DUSP5: variants seen among roughly 807,000 people sequenced by gnomAD.
The protein encoded by DUSP5 is dual specificity protein phosphatase 5.
In DUSP5, 22 loss-of-function variants were observed where a neutral mutation model predicts 33.6. The observed-to-expected ratio is 0.66, with a 90% CI of 0.47 to 0.94. The LOEUF is 0.94. Among genes scored for constraint, DUSP5 ranks in the 40% least tolerant of loss-of-function variants. DUSP5 has a pLI of 0.00. For missense variants in DUSP5, 551 were observed against 522.1 expected (o/e 1.06, Z -0.54); for synonymous variants, 270 against 231.1 (o/e 1.17, Z -1.53).
At position 110,511,308 on chromosome 10, in the gene DUSP5, A is replaced by G. The variant is rs1038228570; in HGVS notation, c.*882A>G. The G allele has an allele frequency of 3.9e-5, 6 of 152,448 alleles. No homozygotes were observed. Among genetic ancestry groups the G allele is most frequent in the African/African-American group, 1.5e-4 (6 of 41,378 alleles). 9.4% of individuals were successfully genotyped at this position (152,448 alleles called of 1,614,324 possible). Reference sequence around the variant, plus strand: ...CTGTGTGCTTATGTCTCTTGTGACAATTGTTTTCCTCCCTGCCCCTGGAGG... The same window carrying G: ...CTGTGTGCTTATGTCTCTTGTGACAGTTGTTTTCCTCCCTGCCCCTGGAGG... On this transcript the variant is annotated 3_prime_UTR_variant, in exon 4 of 4. Transcript: ENST00000369583.
At position 110,510,510 on chromosome 10, in the gene DUSP5, A is replaced by G. The variant is rs1391124127; in HGVS notation, c.*84A>G. The G allele has an allele frequency of 2.8e-6, 4 of 1,421,536 alleles. No individual in the cohort carries two copies. Among genetic ancestry groups the G allele is most frequent in the South Asian group, 1.5e-5 (1 of 67,572 alleles). 88.1% of individuals were successfully genotyped at this position (1,421,536 alleles called of 1,614,324 possible). A position where few individuals can be genotyped will look rare whatever the true frequency, so the allele number is the denominator to read the frequency against. On this transcript the variant is annotated 3_prime_UTR_variant, in exon 4 of 4. Coordinates refer to ENST00000369583, the MANE Select transcript of DUSP5 (RefSeq NM_004419.4). The stretch of plus-strand genomic sequence containing the variant: ...CTCATGGACATTTCATACCTGTGCA[A>G]TACTGAAGACCTCATTCTGTCATGC...
chr10:110,498,376 C>G lies in DUSP5; in HGVS notation c.255C>G (p.Ala85=), dbSNP rs1277031293. The change falls in exon 1 of 4, where the codon GCC becomes GCG. Residue 85 remains alanine (A), a synonymous_variant. Transcript: ENST00000369583. ...AGGAGGGCGGCGGCGGCGTCGCGGCCGTGGTGGTGCTGGACCAGGGCAGCC... is the reference window on the plus strand; with the variant it reads ...AGGAGGGCGGCGGCGGCGTCGCGGCGGTGGTGGTGCTGGACCAGGGCAGCC... The part of the protein sequence containing the change: ...LLQEGGGGVA[A]VVVLDQGSRH... 1.4e-6 allele frequency: 2 copies of G among 1,434,348 alleles called. No homozygotes were observed. Among genetic ancestry groups the G allele is most frequent in the Non-Finnish European group, 1.8e-6 (2 of 1,094,208 alleles). 88.9% of individuals were successfully genotyped at this position (1,434,348 alleles called of 1,614,324 possible). A position where few individuals can be genotyped will look rare whatever the true frequency, so the allele number is the denominator to read the frequency against.
intron 1 of DUSP5, 23 bp downstream of exon 1, chr10:110,498,523 ACGCTCGC>A (rs1859993443): frequency 6.9e-7 from 1 of 1,457,082 alleles, no homozygotes; most frequent in African/African-American, 1.5e-5. Flanking sequence ...GGTCCCTGCC[ACGCTCGC>A]CCCTCCGGCG....
At chr10:110,503,889 C>T (rs1254048503) in intron 2 of DUSP5, among the ~76,000 whole-genome samples, 1 of 152,184 alleles carries the variant, frequency 6.6e-6, no homozygotes, top group Non-Finnish European at 1.5e-5. Flanking sequence ...AGAAAGATTG[C>T]TAGATGCTAA....
At position 110,507,164 on chromosome 10, in the gene DUSP5, G is replaced by A. The variant is rs781204119; in HGVS notation, c.748+10G>A. ...GCAATAGACTTCATTGGTAGGTTTA[G>A]CCATTCCCCTTCAGTTATTTTGGGA... On this transcript the variant is annotated intron_variant, in intron 3 of 3. Coordinates refer to ENST00000369583, the MANE Select transcript of DUSP5 (RefSeq NM_004419.4). The A allele has an allele frequency of 1.9e-6, 3 of 1,609,566 alleles. No homozygotes were observed. Among genetic ancestry groups the A allele is most frequent in the Non-Finnish European group, 2.5e-6 (3 of 1,178,384 alleles).
intron 3 of DUSP5, among the ~76,000 whole-genome samples, chr10:110,508,704 A>G (rs1421520377): frequency 6.6e-6 from 1 of 152,242 alleles, no homozygotes; most frequent in Non-Finnish European, 1.5e-5. Context: ...AAGGAGGCCA[A>G]CAGAGGAGCG....
chr10:110,509,438 C>T (rs1444123193), intron 3 of DUSP5, among the ~76,000 whole-genome samples: 1 of 152,208 alleles, frequency 6.6e-6, no homozygotes, highest in Non-Finnish European at 1.5e-5. Flanking sequence ...GGAGCTGAGC[C>T]AAGCATCCTG....
Position 110,498,267 on chromosome 10 carries a change from C to T in DUSP5, c.146C>T (p.Ser49Leu). ...VRGSLNVNLN[S>L]VVLRRARGGA... ...GGCTCGCTCAACGTCAACCTCAACT[C>T]GGTGGTGCTGCGGCGGGCCCGGGGC... The change falls in exon 1 of 4, where the codon TCG becomes TTG. Residue 49 changes from serine (S) to leucine (L), a missense_variant. Ser to Leu is a moderately radical substitution (Grantham distance 145). Transcript: ENST00000369583. 2 of 1,492,016 alleles carry T rather than the reference C, an allele frequency of 1.3e-6. No homozygotes were observed. The highest frequency in any genetic ancestry group is 2.9e-5 in the East Asian group (1 of 34,596). 92.4% of individuals were successfully genotyped at this position (1,492,016 alleles called of 1,614,324 possible). A position where few individuals can be genotyped will look rare whatever the true frequency, so the allele number is the denominator to read the frequency against.
chr10:110,503,615 T>C (rs1362775951), intron 2 of DUSP5: 1 of 152,242 alleles, frequency 6.6e-6, no homozygotes, highest in Non-Finnish European at 1.5e-5. Flanking sequence ...AATCCAAATC[T>C]GGCAGAAGCC....
intron 1 of DUSP5, among the ~76,000 whole-genome samples, chr10:110,501,442 A>G (rs1860047137): frequency 6.6e-6 from 1 of 152,140 alleles, no homozygotes; most frequent in Admixed American, 6.5e-5. Context: ...GGAAGCGGTA[A>G]TGGCAAGATG....
At chr10:110,505,698 C>A (rs1017888500) in intron 2 of DUSP5, among the ~76,000 whole-genome samples, 1 of 152,220 alleles carries the variant, frequency 6.6e-6, no homozygotes, top group Non-Finnish European at 1.5e-5. Context: ...CAGCCACTGT[C>A]ACCCAGCCCC....
Position 110,498,047 on chromosome 10 carries a change from C to T in DUSP5, c.-75C>T. On this transcript the variant is annotated 5_prime_UTR_variant, in exon 1 of 4. Coordinates refer to ENST00000369583, the MANE Select transcript of DUSP5 (RefSeq NM_004419.4). ...CTCCCGTGCCTCGCCCGCGGACACCCTGGCCGTGGACACCCTGGCCGTGGG... is the reference window on the plus strand; with the variant it reads ...CTCCCGTGCCTCGCCCGCGGACACCTTGGCCGTGGACACCCTGGCCGTGGG... 3.7e-6 allele frequency: 4 copies of T among 1,076,166 alleles called. No homozygotes were observed. The highest frequency in any genetic ancestry group is 3.4e-6 in the Non-Finnish European group (3 of 892,408). 66.7% of individuals were successfully genotyped at this position (1,076,166 alleles called of 1,614,324 possible). A position where few individuals can be genotyped will look rare whatever the true frequency, so the allele number is the denominator to read the frequency against.
chr10:110,497,996 T>C lies in DUSP5; in HGVS notation c.-126T>C, dbSNP rs545289807. ...GCCGCCGCTCGGGCGCCGGGCTCCG[T>C]CGCGGCCGCAGCCCCGCGGGTCGCC... On this transcript the variant is annotated 5_prime_UTR_variant, in exon 1 of 4. Transcript: ENST00000369583. 4.1e-5 allele frequency: 31 copies of C among 761,478 alleles called. 1 individual carries two copies. In the South Asian group the frequency reaches 1.5e-3, roughly 36 times the overall value. The allele number at this position is 761,478 out of a possible 1,614,324, so 47.2% of individuals were successfully genotyped here. A position where few individuals can be genotyped will look rare whatever the true frequency, so the allele number is the denominator to read the frequency against.
In DUSP5 at chr10:110,498,133, G is replaced by T; in HGVS notation, c.12G>T (p.Thr4=). The change falls in exon 1 of 4, where the codon ACG becomes ACT. Residue 4 remains threonine, a synonymous_variant. Coordinates refer to ENST00000369583, the MANE Select transcript of DUSP5 (RefSeq NM_004419.4). MKV[T]SLDGRQLRKM... ...GCGGCGGCGGCGGCATGAAGGTCAC[G>T]TCGCTCGACGGGCGCCAGCTGCGCA... 1 of 1,436,712 alleles carries T rather than the reference G, an allele frequency of 7.0e-7. No individual in the cohort carries two copies. Among genetic ancestry groups the T allele is most frequent in the East Asian group, 3.2e-5 (1 of 31,376 alleles). The allele number at this position is 1,436,712 out of a possible 1,614,324, so 89.0% of individuals were successfully genotyped here.
Position 110,502,836 on chromosome 10 carries a change from G to A in DUSP5, c.495G>A (p.Val165=). 1 of 1,614,154 alleles carries A rather than the reference G, an allele frequency of 6.2e-7. No individual in the cohort carries two copies. Among genetic ancestry groups the A allele is most frequent in the South Asian group, 1.1e-5 (1 of 91,080 alleles). ...RALISQCGKP[V]VNVSYRPAYD... ...TCATCAGCCAGTGTGGAAAACCAGT[G>A]GTAAATGTCAGCTACAGGCCAGCTT... The change falls in exon 2 of 4, where the codon GTG becomes GTA. Residue 165 remains valine (V), a synonymous_variant. Transcript: ENST00000369583.
chr10:110,507,290 C>A, intron 3 of DUSP5, 136 bp downstream of exon 3: 1 of 872,622 alleles, frequency 1.1e-6, no homozygotes, highest in Non-Finnish European at 1.7e-6. Context: ...GAGTTGGAGC[C>A]AACATGGGAT....
chr10:110,498,216 TG>T lies in DUSP5; in HGVS notation c.97del (p.Ala33ProfsTer111). 1 of 1,512,034 alleles carries T rather than the reference TG, an allele frequency of 6.6e-7. No homozygotes were observed. The highest frequency in any genetic ancestry group is 8.8e-7 in the Non-Finnish European group (1 of 1,130,266). 93.7% of individuals were successfully genotyped at this position (1,512,034 alleles called of 1,614,324 possible). A position where few individuals can be genotyped will look rare whatever the true frequency, so the allele number is the denominator to read the frequency against. The stretch of plus-strand genomic sequence containing the variant: ...GTGGTGCTCGACTGCCGGCCCTATC[TG>T]GCCTTCGCTGCCTCGAACGTGCGCG... ...RCVVLDCRPY[L>X]AFAASNVRGS... On this transcript the variant is annotated frameshift_variant, in exon 1 of 4. Transcript: ENST00000369583. LOFTEE classifies it high-confidence loss of function.
chr10:110,506,821 AC>A, intron 2 of DUSP5, 113 bp from the exon 3 acceptor site: 1 of 1,175,290 alleles, frequency 8.5e-7, no homozygotes, highest in Non-Finnish European at 1.2e-6. Flanking sequence ...CCACTTGGAA[AC>A]CAGAAAGGGA....
chr10:110,498,136 G>C lies in DUSP5; in HGVS notation c.15G>C (p.Ser5=). 4 of 1,442,030 alleles carry C rather than the reference G, an allele frequency of 2.8e-6. No individual in the cohort carries two copies. Among genetic ancestry groups the C allele is most frequent in the African/African-American group, 1.5e-5 (1 of 67,618 alleles). The allele number at this position is 1,442,030 out of a possible 1,614,324, so 89.3% of individuals were successfully genotyped here. The change falls in exon 1 of 4, where the codon TCG becomes TCC. Residue 5 remains serine (S), a synonymous_variant. Coordinates refer to ENST00000369583, the MANE Select transcript of DUSP5 (RefSeq NM_004419.4). ...GCGGCGGCGGCATGAAGGTCACGTC[G>C]CTCGACGGGCGCCAGCTGCGCAAGA... MKVT[S]LDGRQLRKML... is the part of the protein sequence containing the mutation.
Sources: allele counts gnomAD v4.1 joint callset (sites outside exome capture counted in the v4.1 genomes callset), GRCh38; gene constraint gnomAD v4.1.1; transcripts MANE v1.5; gene names NCBI Gene and HGNC (gene_info 2026-07-23, HGNC 2026-07-21).